The following EPB41 variants were observed in gnomAD, a reference collection of about 807,000 sequenced individuals.
The protein encoded by EPB41 is erythrocyte membrane protein band 4.1.
EPB41 carries 65 observed loss-of-function variants against 108.0 expected under a neutral mutation model. The ratio of observed to expected loss-of-function variants is 0.60; its 90% CI spans 0.49 to 0.74. EPB41 has a LOEUF of 0.74. Ranked by LOEUF, EPB41 falls within the 30% of genes least tolerant of loss-of-function variation. The pLI is 0.00. For missense variants in EPB41, 875 were observed against 1,037.0 expected, an observed-to-expected ratio of 0.84 and a Z score of 2.15; for synonymous variants, 336 against 358.9, an observed-to-expected ratio of 0.94 and a Z score of 0.72.
intron 1 of EPB41, among the ~76,000 whole-genome samples, chr1:28,896,075 T>A (rs2090631034): frequency 6.6e-6 from 1 of 152,192 alleles, no homozygotes. Context: ...TGTTTACCAG[T>A]TGTGTGACCT....
intron 1 of EPB41, among the ~76,000 whole-genome samples, chr1:28,976,979 A>G (rs1423840298): frequency 6.6e-6 from 1 of 152,034 alleles, no homozygotes; most frequent in African/African-American, 2.4e-5. Context: ...CAGCCTCCCA[A>G]GTAGCTAGGA....
chr1:29,110,953 G>C (rs1668938304), intron 18 of EPB41, among the ~76,000 whole-genome samples: 1 of 152,038 alleles, frequency 6.6e-6, no homozygotes, highest in East Asian at 1.9e-4. Flanking sequence ...GATCACCTGA[G>C]ATCAGGAGTT....
At chr1:28,977,398 T>C (rs1008397285) in intron 1 of EPB41, among the ~76,000 whole-genome samples, 3 of 145,844 alleles carry the variant, frequency 2.1e-5, no homozygotes, top group East Asian at 1.9e-4. Flanking sequence ...GTTTTTCTTT[T>C]TTTTTTTTTT....
intron 1 of EPB41, among the ~76,000 whole-genome samples, chr1:28,959,594 A>G (rs900037704): frequency 6.6e-6 from 1 of 152,184 alleles, no homozygotes; most frequent in Non-Finnish European, 1.5e-5. Flanking sequence ...TTTGGAAGAG[A>G]AAACATTTAT....
intron 7 of EPB41, among the ~76,000 whole-genome samples, chr1:29,028,428 C>T (rs114430412): frequency 4.1e-4 from 63 of 152,298 alleles, no homozygotes; most frequent in African/African-American, 1.5e-3. Context: ...GTTTTACAAC[C>T]ATCATCTCAT....
chr1:28,961,343 C>T (rs528851814), intron 1 of EPB41, among the ~76,000 whole-genome samples: 6 of 152,184 alleles, frequency 3.9e-5, no homozygotes, highest in African/African-American at 9.6e-5. Flanking sequence ...GTGTTAAGTG[C>T]TCTCCGAGAG....
At chr1:29,070,330 TTC>T in intron 16 of EPB41, 1 of 1,223,562 alleles carries the variant, frequency 8.2e-7, no homozygotes, top group Non-Finnish European at 1.0e-6. Flanking sequence ...GTTCATCTTA[TTC>T]TGTCTTTCTT....
At chr1:28,897,910 G>A (rs1351822444) in intron 1 of EPB41, among the ~76,000 whole-genome samples, 2 of 152,142 alleles carry the variant, frequency 1.3e-5, no homozygotes, top group Admixed American at 6.5e-5. Context: ...AGGACGAACT[G>A]CCATGTGCAG....
At chr1:28,966,416 CATTT>C (rs1052537192) in intron 1 of EPB41, among the ~76,000 whole-genome samples, 7 of 152,090 alleles carry the variant, frequency 4.6e-5, no homozygotes, top group African/African-American at 1.7e-4. Flanking sequence ...TTCTTTTGTT[CATTT>C]ATTTGTTCAA....
At chr1:29,049,441 T>C (rs1006376581) in intron 11 of EPB41, among the ~76,000 whole-genome samples, 1 of 152,172 alleles carries the variant, frequency 6.6e-6, no homozygotes, top group Non-Finnish European at 1.5e-5. Context: ...CTTATCACCT[T>C]TGGAGCTTTA....
intron 3 of EPB41, among the ~76,000 whole-genome samples, chr1:28,995,485 C>T (rs963625921): frequency 1.3e-5 from 2 of 152,160 alleles, no homozygotes; most frequent in Non-Finnish European, 2.9e-5. Context: ...TCGCTTGAAC[C>T]CAGGAGGTAG....
chr1:29,062,376 A>T (rs1014924938), intron 15 of EPB41, among the ~76,000 whole-genome samples: 1 of 152,206 alleles, frequency 6.6e-6, no homozygotes, highest in Non-Finnish European at 1.5e-5. Flanking sequence ...GAGACTCACA[A>T]AGTCCCTGTG....
At chr1:29,084,677 T>A (rs1356515305) in intron 16 of EPB41, among the ~76,000 whole-genome samples, 3 of 152,338 alleles carry the variant, frequency 2.0e-5, no homozygotes, top group Middle Eastern at 6.8e-3. Flanking sequence ...AGTTGTAAAT[T>A]GTGTGACTAA....
intron 12 of EPB41, among the ~76,000 whole-genome samples, chr1:29,057,802 A>G (rs1461022978): frequency 6.6e-6 from 1 of 152,154 alleles, no homozygotes; most frequent in African/African-American, 2.4e-5. Flanking sequence ...AAAGCTAGGC[A>G]GGAGACCTTA....
In EPB41 at chr1:29,053,330, A is replaced by C; in HGVS notation, c.1845+18A>C. 1 of 1,614,132 alleles carries C rather than the reference A, an allele frequency of 6.2e-7. No individual in the cohort carries two copies. The highest frequency in any genetic ancestry group is 8.5e-7 in the Non-Finnish European group (1 of 1,179,944). On this transcript the variant is annotated intron_variant, in intron 12 of 20. Coordinates refer to ENST00000343067, the MANE Select transcript of EPB41 (RefSeq NM_001376013.1). ...CATGGAAGGTATGTCATCAGTCCAA[A>C]TACCTAGCTAACTCACTTTCTGATT... is the stretch of plus-strand genomic sequence containing the variant.
intron 4 of EPB41, among the ~76,000 whole-genome samples, chr1:29,006,015 A>G (rs2096393064): frequency 6.6e-6 from 1 of 152,230 alleles, no homozygotes. Flanking sequence ...AAGAATCCAT[A>G]CCACTGAAAA....
intron 16 of EPB41, 43 bp downstream of exon 16, chr1:29,065,201 A>G: frequency 1.3e-6 from 2 of 1,526,802 alleles, no homozygotes; most frequent in Non-Finnish European, 1.8e-6. Flanking sequence ...AATGGAGGGA[A>G]TAAATGTTTT....
At chr1:28,979,401 C>T (rs2149409705) in intron 1 of EPB41, among the ~76,000 whole-genome samples, 1 of 151,528 alleles carries the variant, frequency 6.6e-6, no homozygotes, top group Non-Finnish European at 1.5e-5. Flanking sequence ...AGAGATCTCC[C>T]CTGCCAAATT....
In EPB41 at chr1:29,033,128, C is replaced by T. The variant is rs1226109329; in HGVS notation, c.1248C>T (p.Cys416=). ...GAGTAGATATCATCCTAGGTGTCTG[C>T]TCTAGTGGCCTTCTGGTTTACAAAG... is the stretch of plus-strand genomic sequence containing the variant. ...LEGVDIILGV[C]SSGLLVYKDK... is the part of the protein sequence containing the mutation. The change falls in exon 9 of 21, where the codon TGC becomes TGT. Residue 416 remains cysteine (C), a synonymous_variant. Coordinates refer to ENST00000343067, the MANE Select transcript of EPB41 (RefSeq NM_001376013.1). The T allele has an allele frequency of 6.2e-7, 1 of 1,613,782 alleles. No homozygotes were observed. Among genetic ancestry groups the T allele is most frequent in the African/African-American group, 1.3e-5 (1 of 74,888 alleles).
Sources: gnomAD v4.1 joint callset for allele counts (sites outside exome capture counted in the v4.1 genomes callset) on GRCh38, gnomAD v4.1.1 for gene constraint, MANE v1.5 for transcripts, NCBI Gene and HGNC (gene_info 2026-07-23, HGNC 2026-07-21) for gene names.